Variants in ADCY9 observed in about 807,000 individuals in gnomAD.
ADCY9 encodes adenylate cyclase 9, also known as adenylate cyclase type 9.
In ADCY9, 50 loss-of-function variants were observed where a neutral mutation model predicts 101.5. That is an observed-to-expected ratio of 0.49 (90% confidence interval 0.39 to 0.62). The LOEUF (loss-of-function observed/expected upper bound fraction) is 0.62. ADCY9 is among the 20% of genes least tolerant of loss of function. The pLI, the probability that ADCY9 is intolerant of heterozygous loss-of-function variation, is 0.00. For missense variants in ADCY9, 1,662 were observed against 1,800.4 expected, an observed-to-expected ratio of 0.92 and a Z score of 1.39; for synonymous variants, 905 against 769.3, an observed-to-expected ratio of 1.18 and a Z score of -2.92.
chr16:4,045,889 T>C (rs1282092545), intron 2 of ADCY9, among the ~76,000 whole-genome samples: 2 of 78,448 alleles, frequency 2.5e-5, no homozygotes, highest in East Asian at 8.5e-4. Flanking sequence ...TTTTTTTTTT[T>C]TGTAGAGATG....
chr16:4,053,785 T>G (rs1177546332), intron 2 of ADCY9, among the ~76,000 whole-genome samples: 3 of 152,066 alleles, frequency 2.0e-5, no homozygotes, highest in African/African-American at 7.2e-5. Flanking sequence ...CATGCCAACT[T>G]CAAAAGTTAT....
At chr16:3,954,449 G>T (rs1446303354) in intron 5 of ADCY9, among the ~76,000 whole-genome samples, 2 of 152,170 alleles carry the variant, frequency 1.3e-5, no homozygotes, top group Non-Finnish European at 2.9e-5. Flanking sequence ...TCTGAGCCGG[G>T]ATCAGGCCCA....
At chr16:4,111,882 CT>C (rs1430395138) in intron 2 of ADCY9, among the ~76,000 whole-genome samples, 4 of 149,632 alleles carry the variant, frequency 2.7e-5, no homozygotes, top group Admixed American at 1.3e-4. Flanking sequence ...TCTGAGACCC[CT>C]GATCTACAAA....
In ADCY9 at chr16:3,983,224, G is replaced by C. The variant is rs375419088; in HGVS notation, c.2519+8C>G. 2 of 1,547,538 alleles carry C rather than the reference G, an allele frequency of 1.3e-6. No homozygotes were observed. The highest frequency in any genetic ancestry group is 2.7e-5 in the African/African-American group (2 of 73,012). On this transcript the variant is annotated splice_region_variant and intron_variant, in intron 7 of 10. Transcript: ENST00000294016. The stretch of plus-strand genomic sequence containing the variant: ...CAGAGCTGGAGACCCAGTCCACGCG[G>C]CGCTTACCTGATGGACACCGCGAGG...
chr16:4,007,432 C>T lies in ADCY9; in HGVS notation c.1820G>A (p.Gly607Glu), dbSNP rs771848877. The T allele has an allele frequency of 1.9e-6, 3 of 1,613,906 alleles. No individual in the cohort carries two copies. Among genetic ancestry groups the T allele is most frequent in the Non-Finnish European group, 2.5e-6 (3 of 1,179,952 alleles). Reference sequence around the variant, plus strand: ...ACTGACATTCCCTGATGACGCTGTCCCCTGTCCCCTAGGGCCTGAGGACAC... The same window carrying T: ...ACTGACATTCCCTGATGACGCTGTCTCCTGTCCCCTAGGGCCTGAGGACAC... The part of the protein sequence containing the change: ...SQVSSGPRGQ[G>E]TASSGNVSDL... The change falls in exon 3 of 11, where the codon GGG becomes GAG. Residue 607 changes from glycine to glutamate, a missense_variant. Gly to Glu is a moderately conservative substitution (Grantham distance 98). Transcript: ENST00000294016.
intron 2 of ADCY9, among the ~76,000 whole-genome samples, chr16:4,042,868 C>G (rs1474807727): frequency 1.3e-5 from 2 of 152,208 alleles, no homozygotes. Context: ...AACTTATCAA[C>G]TGTATGATTT....
In ADCY9 at chr16:4,048,667, C is replaced by A. The variant is rs371251307; in HGVS notation, c.1694-41109G>T. The stretch of plus-strand genomic sequence containing the variant: ...CAATGGCAAATAATAGGAGACACAG[C>A]GATGCCCCACTCCCTTCTTTCCCAA... On this transcript the variant is annotated intron_variant, in intron 2 of 10. Transcript: ENST00000294016. 3.4e-4 allele frequency among the ~76,000 whole-genome samples: 52 copies of A among 152,280 alleles called. No individual in the cohort carries two copies. The South Asian group carries it at 1.0e-2, about 29-fold the overall frequency.
intron 2 of ADCY9, among the ~76,000 whole-genome samples, chr16:4,042,658 T>C (rs2056635312): frequency 6.6e-6 from 1 of 152,194 alleles, no homozygotes; most frequent in South Asian, 2.1e-4. Context: ...GAACATATAG[T>C]TATTTTTAGA....
intron 9 of ADCY9, among the ~76,000 whole-genome samples, chr16:3,976,542 G>A (rs767236041): frequency 1.6e-4 from 25 of 152,206 alleles, no homozygotes; most frequent in Non-Finnish European, 5.9e-5. Context: ...ATACGGTTCT[G>A]AAGGCCAGCG....
intron 10 of ADCY9, among the ~76,000 whole-genome samples, chr16:3,972,930 A>G (rs1330763794): frequency 6.6e-6 from 1 of 152,156 alleles, no homozygotes; most frequent in Non-Finnish European, 1.5e-5. Flanking sequence ...CATACACATC[A>G]ATAAAAGGTT....
intron 2 of ADCY9, among the ~76,000 whole-genome samples, chr16:4,011,341 A>C (rs1878120947): frequency 6.6e-6 from 1 of 152,126 alleles, no homozygotes; most frequent in Admixed American, 6.5e-5. Flanking sequence ...TGTGTGGGCC[A>C]TCCTGGGAAG....
Position 3,979,108 on chromosome 16 carries a change from T to C in ADCY9, c.2679+8A>G, listed in dbSNP as rs772244771. 1.2e-6 allele frequency: 2 copies of C among 1,614,178 alleles called. No individual in the cohort carries two copies. The highest frequency in any genetic ancestry group is 1.7e-6 in the Non-Finnish European group (2 of 1,180,010). On this transcript the variant is annotated splice_region_variant and intron_variant, in intron 8 of 10. Coordinates refer to ENST00000294016, the MANE Select transcript of ADCY9 (RefSeq NM_001116.4). ...GCGTGGAAATAAAACGGCTGAGCCT[T>C]TACTTACGTGTATGTTGGTCTCATA... is the stretch of plus-strand genomic sequence containing the variant.
At chr16:3,986,625 G>C (rs569824347) in intron 6 of ADCY9, among the ~76,000 whole-genome samples, 92 of 152,126 alleles carry the variant, frequency 6.0e-4, no homozygotes, top group Middle Eastern at 3.4e-3. Flanking sequence ...ACCTGGCTAA[G>C]TTTTGTATTT....
chr16:4,100,078 G>A (rs899720564), intron 2 of ADCY9, among the ~76,000 whole-genome samples: 2 of 152,096 alleles, frequency 1.3e-5, no homozygotes, highest in Non-Finnish European at 2.9e-5. Flanking sequence ...AGATCATGGG[G>A]GTGGTTTCCC....
At chr16:4,113,078 G>C (rs1372985176) in intron 2 of ADCY9, among the ~76,000 whole-genome samples, 1 of 151,668 alleles carries the variant, frequency 6.6e-6, no homozygotes, top group Non-Finnish European at 1.5e-5. Flanking sequence ...GGCTGGAGAA[G>C]CTCAATATGA....
chr16:4,003,628 C>A (rs2056347164), intron 3 of ADCY9, among the ~76,000 whole-genome samples: 1 of 144,598 alleles, frequency 6.9e-6, no homozygotes, highest in Non-Finnish European at 1.5e-5. Context: ...GCAGTGGCAT[C>A]ATCACAGCTC....
At position 3,992,459 on chromosome 16, in the gene ADCY9, G is replaced by T; in HGVS notation, c.1990-96C>A. On this transcript the variant is annotated intron_variant, in intron 4 of 10. Coordinates refer to ENST00000294016, the MANE Select transcript of ADCY9 (RefSeq NM_001116.4). The surrounding 1 kb of genome is among the most constrained non-coding windows in gnomAD (Gnocchi z 4.2). ...CCCACCCCGACCTCCGCTGCGGGGCGCTGCTGCACTGGGCGTGGGACTTTC... is the reference window on the plus strand; with the variant it reads ...CCCACCCCGACCTCCGCTGCGGGGCTCTGCTGCACTGGGCGTGGGACTTTC... 8.8e-7 allele frequency: 1 copy of T among 1,141,302 alleles called. No individual in the cohort carries two copies. Among genetic ancestry groups the T allele is most frequent in the Non-Finnish European group, 1.3e-6 (1 of 798,752 alleles). 70.7% of individuals were successfully genotyped at this position (1,141,302 alleles called of 1,614,324 possible).
At position 3,966,083 on chromosome 16, in the gene ADCY9, G is replaced by A; in HGVS notation, c.3754C>T (p.Pro1252Ser). 2 of 1,614,224 alleles carry A rather than the reference G, an allele frequency of 1.2e-6. No homozygotes were observed. Among genetic ancestry groups the A allele is most frequent in the Non-Finnish European group, 1.7e-6 (2 of 1,180,048 alleles). ...YPKCTDHRVIPQHQLSISPDI... is the reference protein window; with the variant it reads ...YPKCTDHRVISQHQLSISPDI... The stretch of plus-strand genomic sequence containing the variant: ...GGGGAGATGGACAGCTGGTGCTGTG[G>A]GATGACCCTGTGATCCGTGCACTTT... The change falls in exon 11 of 11, where the codon CCA (proline) becomes TCA (serine). Residue 1252 changes from proline to serine, a missense_variant. Around this residue, in one of 5 missense-constraint regions of ADCY9, gnomAD observed 168 missense variants for 155.3 expected, o/e 1.08. Coordinates refer to ENST00000294016, the MANE Select transcript of ADCY9 (RefSeq NM_001116.4).
At chr16:4,055,598 C>T (rs1325854860) in intron 2 of ADCY9, among the ~76,000 whole-genome samples, 1 of 151,794 alleles carries the variant, frequency 6.6e-6, no homozygotes, top group Non-Finnish European at 1.5e-5. Flanking sequence ...CTTTGGGAGG[C>T]CGGGGTGGGG....
Sources: allele counts gnomAD v4.1 joint callset (sites outside exome capture counted in the v4.1 genomes callset), GRCh38; gene constraint gnomAD v4.1.1; regional missense constraint gnomAD v4.1.1; non-coding constraint Gnocchi (gnomAD v3.1); transcripts MANE v1.5; gene names NCBI Gene and HGNC (gene_info 2026-07-23, HGNC 2026-07-21).